The following STX8 variants were observed in gnomAD, a reference collection of about 807,000 sequenced individuals.
The protein encoded by STX8 is syntaxin-8.
In STX8, 23 loss-of-function variants were observed where a neutral mutation model predicts 37.5. That is an observed-to-expected ratio of 0.61 (90% CI 0.44 to 0.87). The LOEUF is 0.87. Ranked by LOEUF, STX8 falls within the 40% of genes least tolerant of loss-of-function variation. STX8 has a pLI of 0.00. For synonymous variants in STX8, 115 were observed against 99.1 expected (o/e 1.16, Z -0.95); for missense variants, 313 against 284.7 (o/e 1.10, Z -0.71).
At chr17:9,430,019 TTA>T (rs1491157525) in intron 6 of STX8, among the ~76,000 whole-genome samples, 1 of 29,088 alleles carries the variant, frequency 3.4e-5, no homozygotes, top group Admixed American at 6.3e-4. Flanking sequence ...ATATTATATA[TTA>T]TATATAATAT....
intron 4 of STX8, among the ~76,000 whole-genome samples, chr17:9,520,285 A>C (rs1044551045): frequency 3.9e-5 from 6 of 152,248 alleles, no homozygotes; most frequent in Admixed American, 1.3e-4. Context: ...TCAAGACTTC[A>C]GCAGCAAAGA....
At chr17:9,314,687 C>T (rs1718843670) in intron 7 of STX8, among the ~76,000 whole-genome samples, 1 of 150,516 alleles carries the variant, frequency 6.6e-6, no homozygotes, top group Non-Finnish European at 1.5e-5. Flanking sequence ...GGATTACAGG[C>T]ATGAGCCACC....
At chr17:9,347,929 T>G (rs1597617851) in intron 7 of STX8, among the ~76,000 whole-genome samples, 2 of 152,228 alleles carry the variant, frequency 1.3e-5, no homozygotes, top group East Asian at 3.9e-4. Context: ...CTTGGCATAA[T>G]GTTTCAAGGT....
At position 9,338,593 on chromosome 17, in the gene STX8, A is replaced by C. The variant is rs548927084; in HGVS notation, c.643+39959T>G. The stretch of plus-strand genomic sequence containing the variant: ...CACTCACATGGTCTTTGTCATGGCC[A>C]CTCCATTTCTGCAGTGAGATTTTTG... On this transcript the variant is annotated intron_variant, in intron 7 of 7. Transcript: ENST00000306357. Among the ~76,000 whole-genome samples the C allele has an allele frequency of 3.3e-5, 5 of 152,036 alleles. No homozygotes were observed. The East Asian group carries it at 9.7e-4, about 29-fold the overall frequency.
At chr17:9,363,571 G>A (rs1911134496) in intron 7 of STX8, among the ~76,000 whole-genome samples, 1 of 152,172 alleles carries the variant, frequency 6.6e-6, no homozygotes, top group African/African-American at 2.4e-5. Flanking sequence ...GCAGGTGGGT[G>A]AAAACAGATG....
At chr17:9,362,659 A>G (rs1391740776) in intron 7 of STX8, among the ~76,000 whole-genome samples, 1 of 151,860 alleles carries the variant, frequency 6.6e-6, no homozygotes, top group Admixed American at 6.6e-5. Context: ...TCTACTAAAC[A>G]AAACACAAAA....
chr17:9,431,795 C>T (rs1913995559), intron 6 of STX8, among the ~76,000 whole-genome samples: 1 of 152,198 alleles, frequency 6.6e-6, no homozygotes, highest in Non-Finnish European at 1.5e-5. Context: ...ACCACGAGTG[C>T]TGTACTGTCT....
chr17:9,527,870 T>G (rs1264421803), intron 4 of STX8, among the ~76,000 whole-genome samples: 1 of 152,176 alleles, frequency 6.6e-6, no homozygotes, highest in African/African-American at 2.4e-5. Flanking sequence ...TAACCCCACT[T>G]TGAGGACTCT....
chr17:9,440,524 G>T (rs34053801), intron 6 of STX8, among the ~76,000 whole-genome samples: 33,538 of 95,980 alleles, frequency 0.35, 4,027 homozygotes, highest in Middle Eastern at 0.46. Context: ...GTGAATCAAT[G>T]ATTTTTTTTT....
At chr17:9,261,049 C>G (rs1907006911) in intron 7 of STX8, among the ~76,000 whole-genome samples, 1 of 152,200 alleles carries the variant, frequency 6.6e-6, no homozygotes, top group Non-Finnish European at 1.5e-5. Context: ...GGTCTAGAAG[C>G]AGGAAATTAA....
intron 6 of STX8, among the ~76,000 whole-genome samples, chr17:9,397,431 C>T (rs866670477): frequency 6.6e-6 from 1 of 152,062 alleles, no homozygotes; most frequent in South Asian, 2.1e-4. Flanking sequence ...CAATTAAGGA[C>T]ATGAATAGCA....
chr17:9,284,322 A>T (rs1402011757), intron 7 of STX8, among the ~76,000 whole-genome samples: 1 of 152,236 alleles, frequency 6.6e-6, no homozygotes, highest in African/African-American at 2.4e-5. Flanking sequence ...TCAAATTAAT[A>T]AACCAATGAT....
chr17:9,551,075 C>CG (rs1202823804), intron 3 of STX8, among the ~76,000 whole-genome samples: 1 of 151,190 alleles, frequency 6.6e-6, no homozygotes, highest in African/African-American at 2.4e-5. Context: ...AACTCCGTCT[C>CG]AAAAAAAAAT....
Position 9,507,601 on chromosome 17 carries a change from T to G in STX8, c.324-2439A>C, listed in dbSNP as rs1483711684. Among the ~76,000 whole-genome samples the G allele has an allele frequency of 6.6e-6, 1 of 152,204 alleles. No individual in the cohort carries two copies. The highest frequency in any genetic ancestry group is 1.9e-4 in the East Asian group (1 of 5,194). On this transcript the variant is annotated intron_variant, in intron 4 of 7. Coordinates refer to ENST00000306357, the MANE Select transcript of STX8 (RefSeq NM_004853.3). This position sits in a 1 kb window ranked among gnomAD's most constrained non-coding sequence, Gnocchi z 4.0. ...ACCTCTGGCAGGCATACTCCCAGAC[T>G]GGCCAAGCAACCAAGCAACTGTGCC... is the stretch of plus-strand genomic sequence containing the variant.
intron 4 of STX8, chr17:9,540,645 C>T (rs185861406): frequency 7.2e-5 from 11 of 152,254 alleles, no homozygotes; most frequent in South Asian, 2.1e-4. Flanking sequence ...TCATCCAGAA[C>T]GGACCATCAT....
intron 6 of STX8, among the ~76,000 whole-genome samples, chr17:9,431,377 A>AT (rs995181626): frequency 2.3e-5 from 3 of 128,366 alleles, no homozygotes; most frequent in East Asian, 2.5e-4. Flanking sequence ...CCTTTGGCTC[A>AT]TTTTTTAATA....
chr17:9,503,462 T>C (rs1200988327), intron 5 of STX8, among the ~76,000 whole-genome samples: 1 of 152,216 alleles, frequency 6.6e-6, no homozygotes, highest in East Asian at 1.9e-4. Context: ...ATGGGCCATT[T>C]ATGATCATAT....
chr17:9,527,763 C>G (rs541341929), intron 4 of STX8, among the ~76,000 whole-genome samples: 32 of 152,306 alleles, frequency 2.1e-4, no homozygotes, highest in African/African-American at 7.5e-4. Flanking sequence ...AAGGGGCCCT[C>G]ACACAGATTG....
intron 3 of STX8, 112 bp downstream of exon 3, chr17:9,557,321 AG>A (rs1907020393): frequency 3.9e-6 from 3 of 774,684 alleles, no homozygotes; most frequent in African/African-American, 1.8e-5. Context: ...TTTGGAAACC[AG>A]GTCTTCCTCA....
Sources: allele counts gnomAD v4.1 joint callset (sites outside exome capture counted in the v4.1 genomes callset), GRCh38; gene constraint gnomAD v4.1.1; non-coding constraint Gnocchi (gnomAD v3.1); transcripts MANE v1.5; gene names NCBI Gene and HGNC (gene_info 2026-07-23, HGNC 2026-07-21).